Variants in ADAMTS19 observed in about 807,000 individuals in gnomAD.
The protein encoded by ADAMTS19 is ADAM metallopeptidase with thrombospondin type 1 motif 19.
ADAMTS19 carries 93 observed loss-of-function variants against 153.3 expected under a neutral mutation model. The observed-to-expected ratio is 0.61, with a 90% confidence interval of 0.51 to 0.72. The LOEUF (loss-of-function observed/expected upper bound fraction) is 0.72, where lower values mean the gene tolerates loss of function less well. Among genes scored for constraint, ADAMTS19 ranks in the 30% least tolerant of loss-of-function variants. ADAMTS19 has a pLI of 0.00. For synonymous variants in ADAMTS19, 600 were observed against 556.6 expected, an observed-to-expected ratio of 1.08 and a Z score of -1.10; for missense variants, 1,482 against 1,552.1, an observed-to-expected ratio of 0.95 and a Z score of 0.76.
Position 129,596,718 on chromosome 5 carries a change from G to A in ADAMTS19, c.1478+54G>A, listed in dbSNP as rs574842093. 697 of 1,282,710 alleles carry A rather than the reference G, an allele frequency of 5.4e-4. 1 individual carries two copies. The African/African-American group carries it at 8.3e-3, about 15-fold the overall frequency. The allele number at this position is 1,282,710 out of a possible 1,614,324, so 79.5% of individuals were successfully genotyped here. A position where few individuals can be genotyped will look rare whatever the true frequency, so the allele number is the denominator to read the frequency against. ...ATGTTAGCATATAACTTTGTAATTC[G>A]AGTTACTGAATTACCTGGATATCTT... On this transcript the variant is annotated intron_variant, in intron 8 of 22. Coordinates refer to ENST00000274487, the MANE Select transcript of ADAMTS19 (RefSeq NM_133638.6).
chr5:129,591,256 T>C (rs1166987115), intron 7 of ADAMTS19, among the ~76,000 whole-genome samples: 1 of 152,150 alleles, frequency 6.6e-6, no homozygotes, highest in Non-Finnish European at 1.5e-5. Context: ...CTTTATGTGT[T>C]AATGAACAGA....
chr5:129,547,028 C>T (rs1752885523), intron 6 of ADAMTS19, among the ~76,000 whole-genome samples: 1 of 150,892 alleles, frequency 6.6e-6, no homozygotes, highest in African/African-American at 2.5e-5. Flanking sequence ...GTAACATCCC[C>T]TGCAAAGATG....
chr5:129,706,346 G>T (rs560365157), intron 21 of ADAMTS19, among the ~76,000 whole-genome samples: 7 of 152,170 alleles, frequency 4.6e-5, no homozygotes, highest in Non-Finnish European at 8.8e-5. Context: ...AAGGCAGGTG[G>T]ATCACTTGAG....
At chr5:129,685,012 A>AG (rs1266952563) in intron 18 of ADAMTS19, among the ~76,000 whole-genome samples, 10 of 151,852 alleles carry the variant, frequency 6.6e-5, no homozygotes, top group African/African-American at 2.4e-4. Flanking sequence ...AGAAAAAAAA[A>AG]AAGAAGTCTG....
chr5:129,617,939 T>C (rs1751603831), intron 8 of ADAMTS19, among the ~76,000 whole-genome samples: 1 of 152,028 alleles, frequency 6.6e-6, no homozygotes, highest in Non-Finnish European at 1.5e-5. Flanking sequence ...CTGATTTATT[T>C]CCCCAGTATA....
intron 6 of ADAMTS19, among the ~76,000 whole-genome samples, chr5:129,542,703 T>C (rs1752698296): frequency 6.6e-6 from 1 of 152,204 alleles, no homozygotes; most frequent in Non-Finnish European, 1.5e-5. Flanking sequence ...GTTTTCCCTC[T>C]AATTTTGGTA....
chr5:129,494,870 G>T (rs1465505043), intron 2 of ADAMTS19, among the ~76,000 whole-genome samples: 1 of 152,020 alleles, frequency 6.6e-6, no homozygotes, highest in Non-Finnish European at 1.5e-5. Context: ...TGACCAGAGG[G>T]AACTCTTAAA....
chr5:129,578,542 C>T (rs889750702), intron 7 of ADAMTS19, among the ~76,000 whole-genome samples: 2 of 151,814 alleles, frequency 1.3e-5, no homozygotes, highest in African/African-American at 4.8e-5. Context: ...GTTTGCTGCA[C>T]CCATTAACCC....
chr5:129,600,559 G>C (rs569833101), intron 8 of ADAMTS19, among the ~76,000 whole-genome samples: 1 of 152,050 alleles, frequency 6.6e-6, no homozygotes, highest in Admixed American at 6.5e-5. Flanking sequence ...CTCAGAACAA[G>C]TTCATATATA....
At chr5:129,495,126 G>A (rs1418033826) in intron 2 of ADAMTS19, among the ~76,000 whole-genome samples, 4 of 151,974 alleles carry the variant, frequency 2.6e-5, no homozygotes, top group Admixed American at 1.3e-4. Context: ...GGATATGTGA[G>A]CACTCTATTA....
chr5:129,570,089 T>G (rs1163681220), intron 7 of ADAMTS19, among the ~76,000 whole-genome samples: 3 of 151,964 alleles, frequency 2.0e-5, no homozygotes, highest in Non-Finnish European at 4.4e-5. Flanking sequence ...TATTGATTTA[T>G]GCTCCTGGGA....
At position 129,704,359 on chromosome 5, in the gene ADAMTS19, T is replaced by C; in HGVS notation, c.3280T>C (p.Cys1094Arg). ...TGAAGACTGTGAGGATTATTCAAAA[T>C]GCTATGTGTGGCGAATGGGTGACTG... is the stretch of plus-strand genomic sequence containing the variant. The part of the protein sequence containing the change: ...EAEDCEDYSK[C>R]YVWRMGDWSK... The change falls in exon 21 of 23, where the codon TGC becomes CGC. Residue 1094 changes from cysteine (C) to arginine (R), a missense_variant. Physicochemically the swap from Cys to Arg is radical, Grantham distance 180. Transcript: ENST00000274487. The C allele has an allele frequency of 6.2e-7, 1 of 1,614,122 alleles. No individual in the cohort carries two copies. Among genetic ancestry groups the C allele is most frequent in the Non-Finnish European group, 8.5e-7 (1 of 1,179,984 alleles).
At chr5:129,582,051 G>A (rs1313258932) in intron 7 of ADAMTS19, among the ~76,000 whole-genome samples, 1 of 151,846 alleles carries the variant, frequency 6.6e-6, no homozygotes, top group African/African-American at 2.4e-5. Flanking sequence ...AGTCTGATGT[G>A]TTGCTGAGAA....
At chr5:129,610,093 TTATATA>T (rs10618467) in intron 8 of ADAMTS19, among the ~76,000 whole-genome samples, 100,629 of 150,190 alleles carry the variant, frequency 0.67, 35,499 homozygotes, top group Non-Finnish European at 0.79. Context: ...GGTAGTGGTA[TTATATA>T]TATATATATA....
intron 10 of ADAMTS19, among the ~76,000 whole-genome samples, chr5:129,623,725 C>T (rs375907150): frequency 2.0e-5 from 3 of 152,066 alleles, no homozygotes; most frequent in Admixed American, 1.3e-4. Flanking sequence ...AGCATCTAGC[C>T]TAGGGACTGG....
chr5:129,474,173 T>C (rs1750150753), intron 2 of ADAMTS19, among the ~76,000 whole-genome samples: 1 of 152,206 alleles, frequency 6.6e-6, no homozygotes, highest in Non-Finnish European at 1.5e-5. Context: ...GTGTCTGTCC[T>C]CATTCACTTA....
Position 129,596,559 on chromosome 5 carries a change from G to T in ADAMTS19, c.1373G>T (p.Gly458Val). Residue 458 changes from glycine to valine, a missense_variant and splice_region_variant, in exon 8 of 23, where the codon GGT (glycine) becomes GTT (valine). Around this residue, in one of 2 missense-constraint regions of ADAMTS19, gnomAD observed 866 missense variants for 827.7 expected, o/e 1.05. Transcript: ENST00000274487. ...AATAATTAATGTTTGTATTTTTTAG[G>T]TATAGCTTACTTGAGTGGAATGTGT... ...VHKDEPCDTV[G>V]IAYLSGMCSE... The T allele has an allele frequency of 6.3e-7, 1 of 1,576,684 alleles. No individual in the cohort carries two copies. The highest frequency in any genetic ancestry group is 8.7e-7 in the Non-Finnish European group (1 of 1,154,896).
At chr5:129,491,830 T>G (rs2126691621) in intron 2 of ADAMTS19, among the ~76,000 whole-genome samples, 1 of 152,302 alleles carries the variant, frequency 6.6e-6, no homozygotes, top group Non-Finnish European at 1.5e-5. Context: ...TACAGAGTGA[T>G]ACATAGATTA....
intron 13 of ADAMTS19, among the ~76,000 whole-genome samples, chr5:129,650,360 A>G (rs1376034617): frequency 6.6e-6 from 1 of 152,104 alleles, no homozygotes; most frequent in African/African-American, 2.4e-5. Context: ...TCAATAACCT[A>G]AACTCCATTG....
Sources: gnomAD v4.1 joint callset for allele counts (sites outside exome capture counted in the v4.1 genomes callset) on GRCh38, gnomAD v4.1.1 for gene constraint, gnomAD v4.1.1 regional missense constraint, MANE v1.5 for transcripts, NCBI Gene and HGNC (gene_info 2026-07-23, HGNC 2026-07-21) for gene names.